FSHR: variants seen among roughly 807,000 people sequenced by gnomAD.
FSHR encodes follicle-stimulating hormone receptor.
In FSHR, 46 loss-of-function variants were observed where a neutral mutation model predicts 52.1. That is an observed-to-expected ratio of 0.88 (90% CI 0.70 to 1.13). FSHR has a LOEUF of 1.13. FSHR is among the 50% of genes most tolerant of loss of function. The probability of loss-of-function intolerance (pLI) is 0.00; values close to 1 mark genes in which losing one functional copy is unlikely to be tolerated. For missense variants in FSHR, 964 were observed against 834.6 expected, an observed-to-expected ratio of 1.16 and a Z score of -1.91; for synonymous variants, 399 against 309.6, an observed-to-expected ratio of 1.29 and a Z score of -3.03.
At chr2:48,984,940 G>T (rs904916872) in intron 6 of FSHR, among the ~76,000 whole-genome samples, 10 of 152,092 alleles carry the variant, frequency 6.6e-5, no homozygotes, top group Non-Finnish European at 7.4e-5. Flanking sequence ...GGTATTTCTT[G>T]ATATCAGCAG....
chr2:49,140,444 T>C (rs1015507345), intron 1 of FSHR, among the ~76,000 whole-genome samples: 2 of 152,232 alleles, frequency 1.3e-5, no homozygotes, highest in African/African-American at 4.8e-5. Context: ...CTATGCTTTC[T>C]GCACAGCCTG....
At chr2:49,083,998 A>G (rs1219621610) in intron 1 of FSHR, among the ~76,000 whole-genome samples, 1 of 151,780 alleles carries the variant, frequency 6.6e-6, no homozygotes, top group East Asian at 1.9e-4. Context: ...AGCAGACCTA[A>G]TAGACATCTA....
intron 2 of FSHR, among the ~76,000 whole-genome samples, chr2:49,061,833 T>TATATAA (rs567554756): frequency 1.6e-5 from 2 of 121,962 alleles, no homozygotes; most frequent in African/African-American, 5.4e-5. Context: ...TATATATGTT[T>TATATAA]ATATAAATAT....
At chr2:48,965,557 C>T (rs1377372142) in intron 9 of FSHR, among the ~76,000 whole-genome samples, 1 of 152,104 alleles carries the variant, frequency 6.6e-6, no homozygotes, top group African/African-American at 2.4e-5. Flanking sequence ...GACTCTTAAA[C>T]CCTGTTACTG....
At chr2:49,031,785 C>A (rs970629472) in intron 2 of FSHR, among the ~76,000 whole-genome samples, 1 of 152,262 alleles carries the variant, frequency 6.6e-6, no homozygotes, top group African/African-American at 2.4e-5. Context: ...GTTTTCTCAT[C>A]TTTGAAATGG....
intron 1 of FSHR, among the ~76,000 whole-genome samples, chr2:49,134,864 A>G (rs1054943853): frequency 1.4e-4 from 22 of 152,062 alleles, no homozygotes; most frequent in African/African-American, 4.6e-4. Flanking sequence ...GAATTGAACA[A>G]TGAGATCACA....
intron 1 of FSHR, among the ~76,000 whole-genome samples, chr2:49,105,567 T>G (rs1671191746): frequency 6.6e-6 from 1 of 152,166 alleles, no homozygotes; most frequent in South Asian, 2.1e-4. Context: ...GAAAAACAAC[T>G]AAGTTTCTGC....
intron 1 of FSHR, among the ~76,000 whole-genome samples, chr2:49,100,371 C>T (rs1181010422): frequency 3.9e-5 from 6 of 152,130 alleles, no homozygotes; most frequent in Admixed American, 1.3e-4. Flanking sequence ...CAGAAATTCA[C>T]AGTACTTTCT....
intron 1 of FSHR, among the ~76,000 whole-genome samples, chr2:49,130,450 A>C (rs1672223222): frequency 6.6e-6 from 1 of 152,212 alleles, no homozygotes; most frequent in Non-Finnish European, 1.5e-5. Flanking sequence ...TCTGGCCTTC[A>C]TTCTGCTCTC....
At chr2:48,980,411 G>C (rs1327468251) in intron 8 of FSHR, among the ~76,000 whole-genome samples, 2 of 152,232 alleles carry the variant, frequency 1.3e-5, no homozygotes, top group Admixed American at 6.5e-5. Context: ...TGCTTTCACA[G>C]AGGCTCTCTT....
intron 1 of FSHR, among the ~76,000 whole-genome samples, chr2:49,141,392 C>G (rs1410933637): frequency 6.6e-6 from 1 of 152,044 alleles, no homozygotes; most frequent in Non-Finnish European, 1.5e-5. Flanking sequence ...CCTCAGGGAG[C>G]TTTTACTCAT....
chr2:48,992,856 C>T (rs1397233747), intron 4 of FSHR, among the ~76,000 whole-genome samples: 2 of 152,126 alleles, frequency 1.3e-5, no homozygotes, highest in South Asian at 2.1e-4. Flanking sequence ...TCAACCTGCT[C>T]CAATCTATTT....
chr2:49,133,486 A>G (rs1279014910), intron 1 of FSHR, among the ~76,000 whole-genome samples: 2 of 152,200 alleles, frequency 1.3e-5, no homozygotes, highest in South Asian at 2.1e-4. Context: ...CAAAATGGCC[A>G]TGCTGCCCGA....
chr2:49,139,828 G>A (rs1672614316), intron 1 of FSHR, among the ~76,000 whole-genome samples: 1 of 152,040 alleles, frequency 6.6e-6, no homozygotes, highest in Admixed American at 6.5e-5. Flanking sequence ...TTGATCTCCT[G>A]ACCTCGTGAT....
intron 4 of FSHR, among the ~76,000 whole-genome samples, chr2:49,017,066 C>G (rs1418246469): frequency 2.0e-5 from 3 of 152,102 alleles, no homozygotes; most frequent in Admixed American, 2.0e-4. Context: ...TTAACGAAAA[C>G]ATACAAAATA....
intron 1 of FSHR, among the ~76,000 whole-genome samples, chr2:49,092,007 C>T (rs6717598): frequency 0.23 from 34,983 of 152,040 alleles, 4,049 homozygotes; most frequent in Middle Eastern, 0.32. Context: ...GAACACAACA[C>T]AGTATGGCTT....
At chr2:49,102,949 G>A (rs190899002) in intron 1 of FSHR, among the ~76,000 whole-genome samples, 16 of 152,016 alleles carry the variant, frequency 1.1e-4, no homozygotes, top group African/African-American at 2.4e-4. Flanking sequence ...AGTGTTTCTC[G>A]ATTTTTTTCT....
At chr2:49,079,452 A>G (rs1457400608) in intron 1 of FSHR, among the ~76,000 whole-genome samples, 4 of 152,154 alleles carry the variant, frequency 2.6e-5, no homozygotes, top group African/African-American at 7.2e-5. Flanking sequence ...AATTTTAAAG[A>G]AGTAGATCAA....
intron 3 of FSHR, among the ~76,000 whole-genome samples, chr2:49,019,712 T>C (rs1485757052): frequency 6.6e-6 from 1 of 152,246 alleles, no homozygotes. Flanking sequence ...ATATATGGCA[T>C]AGGCCAGTAG....
Sources: allele counts gnomAD v4.1 joint callset (sites outside exome capture counted in the v4.1 genomes callset), GRCh38; gene constraint gnomAD v4.1.1; transcripts MANE v1.5; gene names NCBI Gene and HGNC (gene_info 2026-07-23, HGNC 2026-07-21).